Variants in CBFA2T3 observed in about 807,000 individuals in gnomAD.
CBFA2T3 encodes the protein transcriptional corepressor CBFA2T3.
CBFA2T3 carries 31 observed loss-of-function variants against 58.6 expected under a neutral mutation model. The observed-to-expected ratio is 0.53, with a 90% confidence interval of 0.40 to 0.71. The LOEUF (loss-of-function observed/expected upper bound fraction) is 0.71. Ranked by LOEUF, CBFA2T3 falls within the 30% of genes least tolerant of loss-of-function variation. CBFA2T3 has a pLI of 0.00. For missense variants in CBFA2T3, 1,076 were observed against 963.1 expected, an observed-to-expected ratio of 1.12 and a Z score of -1.55; for synonymous variants, 531 against 421.9, an observed-to-expected ratio of 1.26 and a Z score of -3.17.
chr16:88,891,785 C>G, intron 5 of CBFA2T3, 97 bp downstream of exon 5: 1 of 850,642 alleles, frequency 1.2e-6, no homozygotes, highest in South Asian at 1.5e-5. Flanking sequence ...ACTTAAGCCC[C>G]TTCCCGCCTG....
intron 1 of CBFA2T3, among the ~76,000 whole-genome samples, chr16:88,973,790 G>A (rs1351267217): frequency 1.3e-5 from 2 of 152,200 alleles, no homozygotes. Context: ...GGCTCTGGAC[G>A]TGACCCCTTT....
chr16:88,951,750 G>T (rs900267488), intron 1 of CBFA2T3, among the ~76,000 whole-genome samples: 1 of 152,224 alleles, frequency 6.6e-6, no homozygotes, highest in African/African-American at 2.4e-5. Context: ...GGGAGTTTTT[G>T]AACTGGAACA....
At chr16:88,933,771 CCA>C (rs1409726049) in intron 1 of CBFA2T3, among the ~76,000 whole-genome samples, 3 of 136,586 alleles carry the variant, frequency 2.2e-5, no homozygotes, top group African/African-American at 7.5e-5. Context: ...CCTCACAGTG[CCA>C]CACGTCTGCG....
At chr16:88,934,316 T>A (rs6500510) in intron 1 of CBFA2T3, among the ~76,000 whole-genome samples, 46,329 of 152,002 alleles carry the variant, frequency 0.3, 7,756 homozygotes, top group Middle Eastern at 0.53. Flanking sequence ...CTTGGGCCCA[T>A]AGGGGAGGCT....
rs1968847948 is a variant in CBFA2T3, at chr16:88,876,812, G to A, written c.*164C>T. 2 of 539,350 alleles carry A rather than the reference G, an allele frequency of 3.7e-6. No individual in the cohort carries two copies. Among genetic ancestry groups the A allele is most frequent in the Non-Finnish European group, 6.2e-6 (2 of 320,938 alleles). The allele number at this position is 539,350 out of a possible 1,614,324, so 33.4% of individuals were successfully genotyped here. Reference sequence around the variant, plus strand: ...TTTGTTGGTTCTGTGTCTTCTTTCGGAGAGGGGCAGTAGCAGCAGTGACTA... The same window carrying A: ...TTTGTTGGTTCTGTGTCTTCTTTCGAAGAGGGGCAGTAGCAGCAGTGACTA... On this transcript the variant is annotated 3_prime_UTR_variant, in exon 12 of 12. Coordinates refer to ENST00000268679, the MANE Select transcript of CBFA2T3 (RefSeq NM_005187.6).
chr16:88,922,908 C>T (rs1970967541), intron 1 of CBFA2T3, among the ~76,000 whole-genome samples: 1 of 152,236 alleles, frequency 6.6e-6, no homozygotes, highest in African/African-American at 2.4e-5. Flanking sequence ...ATAAACCTCT[C>T]ACTCTTCCCA....
chr16:88,906,454 C>T (rs1410923689), intron 1 of CBFA2T3, among the ~76,000 whole-genome samples: 1 of 151,882 alleles, frequency 6.6e-6, no homozygotes, highest in African/African-American at 2.4e-5. Flanking sequence ...CGCAAGACGG[C>T]CCCGTCCAGA....
At chr16:88,936,474 C>T (rs1049411744) in intron 1 of CBFA2T3, among the ~76,000 whole-genome samples, 25 of 152,014 alleles carry the variant, frequency 1.6e-4, no homozygotes, top group African/African-American at 2.4e-4. Context: ...CAGGGGCAGC[C>T]GAGTATCCAC....
chr16:88,881,558 A>C, intron 8 of CBFA2T3, 69 bp from the exon 9 acceptor site: 1 of 1,494,126 alleles, frequency 6.7e-7, no homozygotes, highest in East Asian at 2.3e-5. Flanking sequence ...CCCCCAGCCC[A>C]CTCGGCCAGA....
intron 1 of CBFA2T3, among the ~76,000 whole-genome samples, chr16:88,946,410 G>A (rs1271062219): frequency 6.6e-6 from 1 of 152,204 alleles, no homozygotes; most frequent in Non-Finnish European, 1.5e-5. Flanking sequence ...AATGTAAAAT[G>A]ATGGAAGTAG....
At position 88,876,321 on chromosome 16, in the gene CBFA2T3, T is replaced by C; in HGVS notation, c.*655A>G. ...AAAAATCTGAAACCAAAAATGCATC[T>C]TGAGTCAGAAATCGAAATCTTTCCT... On this transcript the variant is annotated 3_prime_UTR_variant, in exon 12 of 12. Coordinates refer to ENST00000268679, the MANE Select transcript of CBFA2T3 (RefSeq NM_005187.6). 4.4e-6 allele frequency: 1 copy of C among 228,258 alleles called. No homozygotes were observed. Among genetic ancestry groups the C allele is most frequent in the Non-Finnish European group, 8.7e-6 (1 of 114,876 alleles). The allele number at this position is 228,258 out of a possible 1,614,324, so 14.1% of individuals were successfully genotyped here.
intron 1 of CBFA2T3, among the ~76,000 whole-genome samples, chr16:88,976,386 G>C (rs1258550668): frequency 6.6e-6 from 1 of 152,114 alleles, no homozygotes; most frequent in Non-Finnish European, 1.5e-5. Flanking sequence ...CCTAGACGGG[G>C]CTGAGCAGCC....
chr16:88,912,796 A>G (rs1970571984), intron 1 of CBFA2T3, among the ~76,000 whole-genome samples: 1 of 152,204 alleles, frequency 6.6e-6, no homozygotes, highest in South Asian at 2.1e-4. Flanking sequence ...TGCAGGACAG[A>G]GCCTGGGCTG....
At position 88,876,793 on chromosome 16, in the gene CBFA2T3, G is replaced by T; in HGVS notation, c.*183C>A. On this transcript the variant is annotated 3_prime_UTR_variant, in exon 12 of 12. Transcript: ENST00000268679. ...CAGGTGCACTGAATGCGGTTTTGTT[G>T]GTTCTGTGTCTTCTTTCGGAGAGGG... The T allele has an allele frequency of 2.0e-6, 1 of 512,170 alleles. No individual in the cohort carries two copies. The highest frequency in any genetic ancestry group is 3.4e-5 in the East Asian group (1 of 29,152). The allele number at this position is 512,170 out of a possible 1,614,324, so 31.7% of individuals were successfully genotyped here.
intron 5 of CBFA2T3, among the ~76,000 whole-genome samples, chr16:88,891,574 G>A (rs1195576642): frequency 1.3e-5 from 2 of 152,162 alleles, no homozygotes; most frequent in African/African-American, 2.4e-5. Flanking sequence ...TTCGGCCAAC[G>A]GCAACCAGAG....
intron 11 of CBFA2T3, among the ~76,000 whole-genome samples, chr16:88,877,758 A>C (rs1968894697): frequency 6.6e-6 from 1 of 151,602 alleles, no homozygotes; most frequent in African/African-American, 2.4e-5. Flanking sequence ...CCGTAGGGTG[A>C]GTTGTGCCCT....
chr16:88,907,745 C>A (rs1387834755), intron 1 of CBFA2T3, among the ~76,000 whole-genome samples: 1 of 152,218 alleles, frequency 6.6e-6, no homozygotes, highest in African/African-American at 2.4e-5. Flanking sequence ...GTCCTTCTCA[C>A]TCCCCCTGCC....
intron 1 of CBFA2T3, among the ~76,000 whole-genome samples, chr16:88,971,070 G>A (rs1972644112): frequency 6.6e-6 from 1 of 152,170 alleles, no homozygotes; most frequent in Non-Finnish European, 1.5e-5. Context: ...GGCCGTGGGT[G>A]TGCGCAGGTG....
chr16:88,960,008 G>T (rs1277840625), intron 1 of CBFA2T3, among the ~76,000 whole-genome samples: 4 of 151,940 alleles, frequency 2.6e-5, no homozygotes, highest in Non-Finnish European at 5.9e-5. Context: ...CAGCCTGGGT[G>T]ACAGAGCCAG....
Sources: gnomAD v4.1 joint callset for allele counts (sites outside exome capture counted in the v4.1 genomes callset) on GRCh38, gnomAD v4.1.1 for gene constraint, MANE v1.5 for transcripts, NCBI Gene and HGNC (gene_info 2026-07-23, HGNC 2026-07-21) for gene names.